AGK: variants seen among roughly 807,000 people sequenced by gnomAD.
AGK encodes the protein acylglycerol kinase, also known as acylglycerol kinase, mitochondrial.
In AGK, 52 loss-of-function variants were observed where a neutral mutation model predicts 66.4. The ratio of observed to expected loss-of-function variants is 0.78; its 90% CI spans 0.63 to 0.99. The LOEUF (loss-of-function observed/expected upper bound fraction) is 0.99. AGK is among the 50% of genes least tolerant of loss of function. The pLI is 0.00. For missense variants in AGK, 451 were observed against 506.6 expected (o/e 0.89, Z 1.05); for synonymous variants, 182 against 181.1 (o/e 1.00, Z -0.04).
intron 5 of AGK, among the ~76,000 whole-genome samples, chr7:141,607,401 T>C (rs562072057): frequency 6.6e-6 from 1 of 152,296 alleles, no homozygotes; most frequent in Non-Finnish European, 1.5e-5. Flanking sequence ...TAATGACATA[T>C]AATGTTGAGT....
chr7:141,590,055 A>C (rs1267273723), intron 2 of AGK, among the ~76,000 whole-genome samples: 2 of 152,248 alleles, frequency 1.3e-5, no homozygotes, highest in African/African-American at 4.8e-5. Context: ...AGGAGAGCTG[A>C]AATCTTTAAT....
chr7:141,601,475 A>AT (rs1796339451), intron 5 of AGK, among the ~76,000 whole-genome samples, 195 bp downstream of exon 5: 1 of 152,178 alleles, frequency 6.6e-6, no homozygotes, highest in African/African-American at 2.4e-5. Flanking sequence ...ATAGGATTGG[A>AT]TGGAGGCTTG....
chr7:141,611,254 C>T lies in AGK; in HGVS notation c.357C>T (p.Ile119=), dbSNP rs778835840. The change falls in exon 6 of 16, where the codon ATC becomes ATT. Residue 119 remains isoleucine (I), a synonymous_variant. Coordinates refer to ENST00000649286, the MANE Select transcript of AGK (RefSeq NM_018238.4). ...AACTGATGGAAAACACGGATGTGATCATTGTTGCAGGAGGAGATGGGACAC... is the reference window on the plus strand; with the variant it reads ...AACTGATGGAAAACACGGATGTGATTATTGTTGCAGGAGGAGATGGGACAC... ...LLELMENTDV[I]IVAGGDGTLQ... The T allele has an allele frequency of 3.1e-6, 5 of 1,613,286 alleles. No homozygotes were observed. Among genetic ancestry groups the T allele is most frequent in the Non-Finnish European group, 3.4e-6 (4 of 1,179,642 alleles).
chr7:141,593,333 C>T, intron 3 of AGK, 148 bp downstream of exon 3: 1 of 751,972 alleles, frequency 1.3e-6, no homozygotes. Flanking sequence ...CGCTGGGAGC[C>T]AACTCTGAGT....
chr7:141,634,775 C>G (rs569267564), intron 10 of AGK, among the ~76,000 whole-genome samples: 13 of 151,288 alleles, frequency 8.6e-5, no homozygotes, highest in Non-Finnish European at 1.6e-4. Flanking sequence ...TGTGGCTGAT[C>G]TCACACATAG....
chr7:141,596,915 C>G, intron 4 of AGK: 1 of 388,328 alleles, frequency 2.6e-6, no homozygotes, highest in Non-Finnish European at 4.7e-6. Flanking sequence ...GTAGTCCCCT[C>G]GGGAGCGACT....
chr7:141,641,939 T>G, intron 13 of AGK, 31 bp downstream of exon 13: 5 of 1,531,856 alleles, frequency 3.3e-6, no homozygotes, highest in Non-Finnish European at 4.4e-6. Context: ...GAAAAGCATT[T>G]GGTACCTAAG....
chr7:141,632,595 T>A (rs1797082805), intron 9 of AGK, among the ~76,000 whole-genome samples: 1 of 152,356 alleles, frequency 6.6e-6, no homozygotes, highest in South Asian at 2.1e-4. Context: ...ATCCCTGGGC[T>A]AGGCTCTTAG....
At chr7:141,603,401 A>G (rs1205741667) in intron 5 of AGK, among the ~76,000 whole-genome samples, 1 of 152,206 alleles carries the variant, frequency 6.6e-6, no homozygotes, top group Non-Finnish European at 1.5e-5. Context: ...TAGCACAAAT[A>G]CTGCCTTTTG....
At chr7:141,595,242 T>C (rs771012977) in intron 3 of AGK, among the ~76,000 whole-genome samples, 18 of 152,144 alleles carry the variant, frequency 1.2e-4, no homozygotes, top group Non-Finnish European at 2.4e-4. Flanking sequence ...CTTACTACCA[T>C]AGGTGTGGAA....
chr7:141,560,581 G>T (rs1255920340), intron 2 of AGK, among the ~76,000 whole-genome samples: 2 of 151,960 alleles, frequency 1.3e-5, no homozygotes. Flanking sequence ...AGCGTACACT[G>T]TACCCAGTGT....
rs1197876619 is a variant in AGK at position 141,611,306 on chromosome 7, T to C, written c.390+19T>C. On this transcript the variant is annotated intron_variant, in intron 6 of 15. Transcript: ENST00000649286. ...GCAGGAGGTATGACTGTTTTTCTCTTTGAAGCTATTTTGAAGGTGAGAAAA... is the reference window on the plus strand; with the variant it reads ...GCAGGAGGTATGACTGTTTTTCTCTCTGAAGCTATTTTGAAGGTGAGAAAA... 6.4e-7 allele frequency: 1 copy of C among 1,571,370 alleles called. No individual in the cohort carries two copies. Among genetic ancestry groups the C allele is most frequent in the Non-Finnish European group, 8.7e-7 (1 of 1,147,906 alleles).
At chr7:141,639,148 C>G (rs1797233879) in intron 11 of AGK, among the ~76,000 whole-genome samples, 1 of 152,120 alleles carries the variant, frequency 6.6e-6, no homozygotes, top group East Asian at 1.9e-4. Flanking sequence ...AATATACAGA[C>G]AAGAGAGTAT....
At chr7:141,565,981 T>C (rs1408241148) in intron 2 of AGK, among the ~76,000 whole-genome samples, 1 of 152,220 alleles carries the variant, frequency 6.6e-6, no homozygotes, top group East Asian at 1.9e-4. Flanking sequence ...GCTTGGCCCC[T>C]GCATACATCT....
intron 13 of AGK, among the ~76,000 whole-genome samples, chr7:141,648,698 A>G (rs1797474985): frequency 6.6e-6 from 1 of 152,242 alleles, no homozygotes; most frequent in Admixed American, 6.5e-5. Context: ...ATTTTGTCGT[A>G]GCTCAAATCA....
At position 141,655,101 on chromosome 7, in the gene AGK, T is replaced by A. The variant is rs1797664459; in HGVS notation, c.*2177T>A. The A allele has an allele frequency of 6.6e-6, 1 of 152,246 alleles. No homozygotes were observed. Among genetic ancestry groups the A allele is most frequent in the African/African-American group, 2.4e-5 (1 of 41,462 alleles). 9.4% of individuals were successfully genotyped at this position (152,246 alleles called of 1,614,324 possible). On this transcript the variant is annotated 3_prime_UTR_variant, in exon 16 of 16. Transcript: ENST00000649286. ...ATCAAGGACCAGTGCAGAATCTGGC[T>A]TTCTTTTCTGATAGGCTACCAGTGT...
chr7:141,648,480 A>C (rs1323748777), intron 13 of AGK, among the ~76,000 whole-genome samples: 1 of 152,214 alleles, frequency 6.6e-6, no homozygotes, highest in Non-Finnish European at 1.5e-5. Context: ...GTTACCCTTT[A>C]ATCTTAGGCA....
rs1196222835 is a variant in AGK, at chr7:141,653,772, T to C, written c.*848T>C. The C allele has an allele frequency of 1.3e-5, 2 of 152,250 alleles. No individual in the cohort carries two copies. Among genetic ancestry groups the C allele is most frequent in the African/African-American group, 4.8e-5 (2 of 41,470 alleles). 9.4% of individuals were successfully genotyped at this position (152,250 alleles called of 1,614,324 possible). ...TCATGTATACCCTCACCCATCTAAG[T>C]TGATATCTAAAATTTTATCTAAGTT... On this transcript the variant is annotated 3_prime_UTR_variant, in exon 16 of 16. Transcript: ENST00000649286.
At chr7:141,641,183 A>G in intron 11 of AGK, 65 bp from the exon 12 acceptor site, 2 of 1,488,866 alleles carry the variant, frequency 1.3e-6, no homozygotes, top group Non-Finnish European at 1.8e-6. Flanking sequence ...TAACTTTTGC[A>G]GAGAGAAACT....
Sources: allele counts gnomAD v4.1 joint callset (sites outside exome capture counted in the v4.1 genomes callset), GRCh38; gene constraint gnomAD v4.1.1; transcripts MANE v1.5; gene names NCBI Gene and HGNC (gene_info 2026-07-23, HGNC 2026-07-21).